AUTS2: variants seen among roughly 807,000 people sequenced by gnomAD.
The protein encoded by AUTS2 is activator of transcription and developmental regulator AUTS2, also known as autism susceptibility gene 2 protein.
A neutral mutation model predicts 112.4 loss-of-function variants in AUTS2; 17 were observed. The ratio of observed to expected loss-of-function variants is 0.15; its 90% confidence interval spans 0.10 to 0.23. The LOEUF is 0.23. Among genes scored for constraint, AUTS2 ranks in the 10% least tolerant of loss-of-function variants. The probability of loss-of-function intolerance (pLI) is 1.00; values close to 1 mark genes in which losing one functional copy is unlikely to be tolerated. For missense variants in AUTS2, 1,510 were observed against 1,701.6 expected, an observed-to-expected ratio of 0.89 and a Z score of 1.98; for synonymous variants, 751 against 702.7, an observed-to-expected ratio of 1.07 and a Z score of -1.09.
At chr7:70,233,455 A>C (rs1362753677) in intron 4 of AUTS2, among the ~76,000 whole-genome samples, 1 of 152,224 alleles carries the variant, frequency 6.6e-6, no homozygotes, top group Admixed American at 6.5e-5. Context: ...GGATAACAGT[A>C]GTTGTGAAAG....
intron 1 of AUTS2, among the ~76,000 whole-genome samples, chr7:69,710,428 G>C (rs967295848): frequency 9.2e-5 from 14 of 152,208 alleles, no homozygotes; most frequent in African/African-American, 3.1e-4. Flanking sequence ...TTGGCTCTTT[G>C]AGATGCAGTA....
intron 1 of AUTS2, among the ~76,000 whole-genome samples, chr7:69,694,695 G>A (rs1438319303): frequency 6.6e-6 from 1 of 152,212 alleles, no homozygotes; most frequent in Non-Finnish European, 1.5e-5. Flanking sequence ...TTCTGTATTT[G>A]GGTGCTTAGT....
At chr7:70,649,649 C>A (rs1400422395) in intron 5 of AUTS2, among the ~76,000 whole-genome samples, 3 of 152,086 alleles carry the variant, frequency 2.0e-5, no homozygotes, top group Non-Finnish European at 2.9e-5. Context: ...TTGCCTCAGC[C>A]TCCCAAGCAG....
rs747797800 is a variant in AUTS2 at position 69,692,621 on chromosome 7, A to G, written c.309+92659A>G. ...TGTGCTCAACTTTTCCTGAGGGGAAATGGAGAGATACTTTCTTGGATTAGC... is the reference window on the plus strand; with the variant it reads ...TGTGCTCAACTTTTCCTGAGGGGAAGTGGAGAGATACTTTCTTGGATTAGC... On this transcript the variant is annotated intron_variant, in intron 1 of 18. Coordinates refer to ENST00000342771, the MANE Select transcript of AUTS2 (RefSeq NM_015570.4). Among the ~76,000 whole-genome samples the G allele has an allele frequency of 5.9e-5, 9 of 152,212 alleles. 1 individual carries two copies. The highest frequency in any genetic ancestry group is 1.5e-5 in the Non-Finnish European group (1 of 68,032).
At chr7:70,503,870 G>A (rs1244539765) in intron 5 of AUTS2, among the ~76,000 whole-genome samples, 2 of 150,182 alleles carry the variant, frequency 1.3e-5, no homozygotes, top group African/African-American at 2.4e-5. Flanking sequence ...AAAGAAAACC[G>A]GCCAAAATGC....
intron 2 of AUTS2, among the ~76,000 whole-genome samples, chr7:70,072,245 G>A (rs1802808288): frequency 6.6e-6 from 1 of 151,770 alleles, no homozygotes; most frequent in African/African-American, 2.4e-5. Context: ...TTTTTTCTGG[G>A]TAAAAATCAG....
intron 5 of AUTS2, among the ~76,000 whole-genome samples, chr7:70,698,042 G>A (rs539165862): frequency 3.3e-5 from 5 of 152,106 alleles, no homozygotes; most frequent in African/African-American, 4.8e-5. Context: ...CACCAAGGTC[G>A]TTTGGTTACT....
intron 2 of AUTS2, among the ~76,000 whole-genome samples, chr7:70,002,626 A>G (rs1799249096): frequency 6.6e-6 from 1 of 152,180 alleles, no homozygotes; most frequent in South Asian, 2.1e-4. Flanking sequence ...TAGAGAATTG[A>G]TAGAGATGAG....
At chr7:70,731,744 T>A (rs1787413448) in intron 6 of AUTS2, among the ~76,000 whole-genome samples, 1 of 140,836 alleles carries the variant, frequency 7.1e-6, no homozygotes, top group Non-Finnish European at 1.5e-5. Context: ...TACCCAGATC[T>A]AACTCTTAAT....
chr7:70,768,914 A>T (rs939694801), intron 10 of AUTS2, among the ~76,000 whole-genome samples: 10 of 150,870 alleles, frequency 6.6e-5, no homozygotes, highest in Admixed American at 6.6e-4. Context: ...GAAAAAAGAG[A>T]AGGTTAATCA....
intron 5 of AUTS2, among the ~76,000 whole-genome samples, chr7:70,640,216 G>A (rs767872913): frequency 2.0e-5 from 3 of 151,912 alleles, no homozygotes; most frequent in Non-Finnish European, 2.9e-5. Context: ...CATCTCTTTC[G>A]AAAATATACT....
At chr7:70,224,640 A>G (rs1811671873) in intron 4 of AUTS2, among the ~76,000 whole-genome samples, 1 of 152,222 alleles carries the variant, frequency 6.6e-6, no homozygotes, top group Non-Finnish European at 1.5e-5. Context: ...TAACATCTAC[A>G]GTAGTATACA....
intron 4 of AUTS2, among the ~76,000 whole-genome samples, chr7:70,368,380 G>C (rs764220745): frequency 6.6e-6 from 1 of 152,170 alleles, no homozygotes; most frequent in Non-Finnish European, 1.5e-5. Context: ...GAGATGAGTA[G>C]ACATGGGATT....
intron 1 of AUTS2, among the ~76,000 whole-genome samples, chr7:69,869,344 A>T (rs148485062): frequency 7.2e-4 from 110 of 152,254 alleles, no homozygotes; most frequent in African/African-American, 2.5e-3. Context: ...CCTGCCTATC[A>T]GTGCTTGAAA....
intron 5 of AUTS2, among the ~76,000 whole-genome samples, chr7:70,471,556 C>G (rs527800082): frequency 6.6e-6 from 1 of 152,098 alleles, no homozygotes; most frequent in Non-Finnish European, 1.5e-5. Flanking sequence ...TTTTTGTATG[C>G]CTACCCTATA....
At chr7:70,394,401 G>A (rs1793996266) in intron 4 of AUTS2, among the ~76,000 whole-genome samples, 1 of 152,204 alleles carries the variant, frequency 6.6e-6, no homozygotes, top group African/African-American at 2.4e-5. Context: ...TGCCTTGAAA[G>A]CCCAGGCTAT....
At chr7:70,410,854 A>G (rs1409679832) in intron 4 of AUTS2, among the ~76,000 whole-genome samples, 3 of 148,546 alleles carry the variant, frequency 2.0e-5, no homozygotes, top group Non-Finnish European at 3.0e-5. Context: ...TATTATTGTT[A>G]TTATTATTAT....
At chr7:70,445,804 T>C (rs1796295460) in intron 5 of AUTS2, among the ~76,000 whole-genome samples, 1 of 152,210 alleles carries the variant, frequency 6.6e-6, no homozygotes, top group Admixed American at 6.5e-5. Context: ...AAGCATCCCA[T>C]GCCTAGCATG....
chr7:70,152,453 AATGCACTGG>A (rs1165538912), intron 4 of AUTS2, among the ~76,000 whole-genome samples: 13 of 152,094 alleles, frequency 8.5e-5, no homozygotes, highest in African/African-American at 3.1e-4. Context: ...GGAAAAAAAA[AATGCACTGG>A]AGCAACATCC....
Sources: allele counts gnomAD v4.1 joint callset (sites outside exome capture counted in the v4.1 genomes callset), GRCh38; gene constraint gnomAD v4.1.1; transcripts MANE v1.5; gene names NCBI Gene and HGNC (gene_info 2026-07-23, HGNC 2026-07-21).